The following CSGALNACT1 variants were observed in gnomAD, a reference collection of about 807,000 sequenced individuals.
CSGALNACT1 encodes the protein chondroitin sulfate N-acetylgalactosaminyltransferase 1.
A neutral mutation model predicts 51.0 loss-of-function variants in CSGALNACT1; 52 were observed. That is an observed-to-expected ratio of 1.02 (90% CI 0.82 to 1.29). The LOEUF (loss-of-function observed/expected upper bound fraction) is 1.29, where lower values mean the gene tolerates loss of function less well. CSGALNACT1 is among the 50% of genes most tolerant of loss of function. The pLI, the probability that CSGALNACT1 is intolerant of heterozygous loss-of-function variation, is 0.00. For missense variants in CSGALNACT1, 935 were observed against 679.2 expected (o/e 1.38, Z -4.19); for synonymous variants, 341 against 254.4 (o/e 1.34, Z -3.24).
intron 1 of CSGALNACT1, chr8:19,732,374 G>A (rs1202832101): frequency 6.6e-6 from 1 of 152,094 alleles, no homozygotes; most frequent in Non-Finnish European, 1.5e-5. Context: ...TTATTTATCA[G>A]CTGCCATAAA....
intron 3 of CSGALNACT1, among the ~76,000 whole-genome samples, chr8:19,528,862 C>G (rs1024624457): frequency 3.1e-4 from 47 of 152,064 alleles, no homozygotes; most frequent in African/African-American, 1.1e-3. Context: ...CCCTAGATAC[C>G]CCAAACGCTA....
chr8:19,715,932 T>A (rs1182440647), intron 1 of CSGALNACT1, among the ~76,000 whole-genome samples: 1 of 152,220 alleles, frequency 6.6e-6, no homozygotes, highest in African/African-American at 2.4e-5. Flanking sequence ...CAGACTTCAG[T>A]CTTTCCTGTG....
At chr8:19,533,745 A>G (rs2083225330) in intron 3 of CSGALNACT1, among the ~76,000 whole-genome samples, 1 of 152,216 alleles carries the variant, frequency 6.6e-6, no homozygotes, top group Non-Finnish European at 1.5e-5. Flanking sequence ...TTGAGCTCCC[A>G]TAATATACTG....
intron 1 of CSGALNACT1, among the ~76,000 whole-genome samples, chr8:19,678,398 C>T (rs2060351465): frequency 6.6e-6 from 1 of 152,074 alleles, no homozygotes; most frequent in African/African-American, 2.4e-5. Flanking sequence ...AAAAATGATT[C>T]CAGGATAAGT....
chr8:19,559,231 T>G (rs542886798), intron 3 of CSGALNACT1, among the ~76,000 whole-genome samples: 1 of 152,282 alleles, frequency 6.6e-6, no homozygotes, highest in Non-Finnish European at 1.5e-5. Flanking sequence ...CATGACCAAG[T>G]TGATTATAAT....
chr8:19,629,026 G>C (rs2054842615), intron 1 of CSGALNACT1, among the ~76,000 whole-genome samples: 1 of 152,152 alleles, frequency 6.6e-6, no homozygotes, highest in Non-Finnish European at 1.5e-5. Flanking sequence ...ACTGGAGAGA[G>C]GGAAGGCACA....
At chr8:19,720,359 T>A (rs1252993439) in intron 1 of CSGALNACT1, among the ~76,000 whole-genome samples, 1 of 152,182 alleles carries the variant, frequency 6.6e-6, no homozygotes, top group Non-Finnish European at 1.5e-5. Context: ...CTCGGAGGAA[T>A]AATCATAAAG....
intron 1 of CSGALNACT1, among the ~76,000 whole-genome samples, chr8:19,692,068 A>T (rs2061355995): frequency 6.6e-6 from 1 of 151,616 alleles, no homozygotes; most frequent in African/African-American, 2.4e-5. Context: ...AAGCAAGAGT[A>T]GGGAAAACTG....
intron 1 of CSGALNACT1, among the ~76,000 whole-genome samples, chr8:19,723,021 A>C (rs2063210303): frequency 6.6e-6 from 1 of 152,192 alleles, no homozygotes; most frequent in Non-Finnish European, 1.5e-5. Flanking sequence ...AGTGATTCCA[A>C]AGTCTCAAGA....
intron 3 of CSGALNACT1, among the ~76,000 whole-genome samples, chr8:19,555,117 T>A (rs891710617): frequency 6.6e-6 from 1 of 151,602 alleles, no homozygotes; most frequent in Non-Finnish European, 1.5e-5. Flanking sequence ...TGAGCGCCTG[T>A]AGTTCCCACT....
At chr8:19,749,095 A>T (rs1003679890) in intron 1 of CSGALNACT1, among the ~76,000 whole-genome samples, 1 of 151,714 alleles carries the variant, frequency 6.6e-6, no homozygotes, top group Non-Finnish European at 1.5e-5. Context: ...TCATTCCGAG[A>T]TTTTTTCACT....
upstream of CSGALNACT1, among the ~76,000 whole-genome samples, chr8:19,683,997 C>G (rs1387142927): frequency 1.3e-5 from 2 of 152,058 alleles, no homozygotes; most frequent in Non-Finnish European, 2.9e-5. Context: ...GAAACCCCGT[C>G]TATACTAAAA....
chr8:19,664,890 G>A (rs1297509072), intron 1 of CSGALNACT1, among the ~76,000 whole-genome samples: 2 of 152,226 alleles, frequency 1.3e-5, no homozygotes, highest in East Asian at 1.9e-4. Flanking sequence ...TTACTAATGG[G>A]AGGATGGGGG....
At chr8:19,541,200 C>T (rs1011625288) in intron 3 of CSGALNACT1, among the ~76,000 whole-genome samples, 5 of 151,838 alleles carry the variant, frequency 3.3e-5, no homozygotes, top group Non-Finnish European at 4.4e-5. Context: ...TAGCCTCAGC[C>T]TCCCAAGTAG....
At chr8:19,466,884 A>G (rs2066811637) in intron 4 of CSGALNACT1, among the ~76,000 whole-genome samples, 1 of 152,176 alleles carries the variant, frequency 6.6e-6, no homozygotes, top group African/African-American at 2.4e-5. Flanking sequence ...TTCAGCTGCC[A>G]CTGAAAGTTT....
chr8:19,490,962 T>A (rs188250014), intron 4 of CSGALNACT1, among the ~76,000 whole-genome samples: 84 of 152,318 alleles, frequency 5.5e-4, no homozygotes, highest in African/African-American at 1.8e-3. Context: ...AATGCTAATT[T>A]ATTTTCTAGT....
intron 1 of CSGALNACT1, among the ~76,000 whole-genome samples, chr8:19,627,132 G>A (rs566288352): frequency 1.4e-4 from 22 of 152,282 alleles, no homozygotes; most frequent in Admixed American, 1.3e-3. Flanking sequence ...TAATAGCCAA[G>A]AAACTGACAC....
At chr8:19,629,212 T>G (rs531552096) in intron 1 of CSGALNACT1, among the ~76,000 whole-genome samples, 1 of 152,324 alleles carries the variant, frequency 6.6e-6, no homozygotes, top group African/African-American at 2.4e-5. Flanking sequence ...AACCGTTTAG[T>G]TTGACATTAA....
chr8:19,593,760 AC>A (rs1302141711), intron 2 of CSGALNACT1, among the ~76,000 whole-genome samples: 2 of 152,196 alleles, frequency 1.3e-5, no homozygotes, highest in African/African-American at 4.8e-5. Context: ...GAAAATTCCT[AC>A]ACATGCTCCA....
Sources: gnomAD v4.1 joint callset for allele counts (sites outside exome capture counted in the v4.1 genomes callset) on GRCh38, gnomAD v4.1.1 for gene constraint, MANE v1.5 for transcripts, NCBI Gene and HGNC (gene_info 2026-07-23, HGNC 2026-07-21) for gene names.